Variants in DOCK3 observed in about 807,000 individuals in gnomAD.
The protein encoded by DOCK3 is dedicator of cytokinesis protein 3.
Under a neutral mutation model 265.6 loss-of-function variants are expected in DOCK3, and 60 were observed. That is an observed-to-expected ratio of 0.23 (90% confidence interval 0.18 to 0.28). The LOEUF (loss-of-function observed/expected upper bound fraction) is 0.28, where lower values mean the gene tolerates loss of function less well. Ranked by LOEUF, DOCK3 falls within the 10% of genes least tolerant of loss-of-function variation. The pLI is 1.00. For synonymous variants in DOCK3, 881 were observed against 938.0 expected (o/e 0.94, Z 1.11); for missense variants, 1,981 against 2,594.3 (o/e 0.76, Z 5.14).
At chr3:51,006,100 C>A (rs1008963050) in intron 5 of DOCK3, among the ~76,000 whole-genome samples, 3 of 152,110 alleles carry the variant, frequency 2.0e-5, no homozygotes, top group African/African-American at 7.2e-5. Flanking sequence ...CTTTCCAGTT[C>A]TGTCTGCCTA....
intron 12 of DOCK3, among the ~76,000 whole-genome samples, chr3:51,205,453 G>A (rs1466067277): frequency 6.6e-6 from 1 of 151,828 alleles, no homozygotes; most frequent in Non-Finnish European, 1.5e-5. Context: ...TTAGCACTTT[G>A]AGGGCTAAGG....
intron 35 of DOCK3, 95 bp downstream of exon 35, chr3:51,333,348 T>C: frequency 8.2e-7 from 1 of 1,218,704 alleles, no homozygotes; most frequent in Non-Finnish European, 1.2e-6. Flanking sequence ...CCATGTGCTC[T>C]TCATGGGGAG....
intron 14 of DOCK3, among the ~76,000 whole-genome samples, chr3:51,214,734 A>G (rs1352744593): frequency 6.6e-6 from 1 of 152,238 alleles, no homozygotes; most frequent in Non-Finnish European, 1.5e-5. Context: ...GGCAAATAGT[A>G]TAAATTAGAC....
intron 35 of DOCK3, 45 bp downstream of exon 35, chr3:51,333,298 TC>T: frequency 1.3e-6 from 2 of 1,575,958 alleles, no homozygotes; most frequent in South Asian, 2.2e-5. Flanking sequence ...GTCAGGATAC[TC>T]TCTCTGGCAA....
At chr3:51,349,322 G>A (rs1161045901) in intron 39 of DOCK3, among the ~76,000 whole-genome samples, 1 of 152,192 alleles carries the variant, frequency 6.6e-6, no homozygotes, top group Non-Finnish European at 1.5e-5. Context: ...TTTTAAGCAT[G>A]TTGTACTTGC....
At chr3:51,162,817 G>A (rs1393000478) in intron 12 of DOCK3, among the ~76,000 whole-genome samples, 1 of 152,054 alleles carries the variant, frequency 6.6e-6, no homozygotes, top group Non-Finnish European at 1.5e-5. Context: ...CCTTCTTATG[G>A]ATGGTCTGTG....
At chr3:51,291,373 C>G (rs2109156953) in intron 27 of DOCK3, among the ~76,000 whole-genome samples, 1 of 152,160 alleles carries the variant, frequency 6.6e-6, no homozygotes, top group African/African-American at 2.4e-5. Flanking sequence ...AGTTTATTTT[C>G]TGAAAAGCAA....
chr3:50,731,564 AT>A (rs932628637), intron 1 of DOCK3, among the ~76,000 whole-genome samples: 3 of 149,404 alleles, frequency 2.0e-5, no homozygotes, highest in African/African-American at 7.4e-5. Flanking sequence ...TAAAAAAGGT[AT>A]TTTTAAAAAT....
intron 5 of DOCK3, among the ~76,000 whole-genome samples, chr3:51,053,163 A>C (rs2081073044): frequency 7.3e-6 from 1 of 136,162 alleles, no homozygotes; most frequent in Non-Finnish European, 1.6e-5. Context: ...GGCATTGAAC[A>C]AAAAAATAGC....
At chr3:51,290,256 C>T (rs1420526525) in intron 27 of DOCK3, among the ~76,000 whole-genome samples, 13 of 152,112 alleles carry the variant, frequency 8.5e-5, no homozygotes, top group Non-Finnish European at 1.9e-4. Flanking sequence ...TGCGGCACTA[C>T]TCACAATAGC....
chr3:50,722,039 A>C (rs2037507114), intron 1 of DOCK3, among the ~76,000 whole-genome samples: 1 of 152,166 alleles, frequency 6.6e-6, no homozygotes, highest in Non-Finnish European at 1.5e-5. Context: ...CAGGTCAGGG[A>C]GACTGTGGGG....
intron 5 of DOCK3, among the ~76,000 whole-genome samples, chr3:51,003,811 A>G (rs2078567352): frequency 6.6e-6 from 1 of 152,206 alleles, no homozygotes; most frequent in Non-Finnish European, 1.5e-5. Context: ...GATTTGAGCA[A>G]TTTTTGTCCA....
At chr3:51,344,464 A>G (rs1200307520) in intron 38 of DOCK3, among the ~76,000 whole-genome samples, 4 of 152,218 alleles carry the variant, frequency 2.6e-5, no homozygotes, top group African/African-American at 4.8e-5. Flanking sequence ...TACTGAAAAT[A>G]CAAACATTAG....
chr3:50,937,416 A>G (rs1402826075), intron 5 of DOCK3, among the ~76,000 whole-genome samples: 1 of 152,050 alleles, frequency 6.6e-6, no homozygotes, highest in Non-Finnish European at 1.5e-5. Flanking sequence ...GCACTTTGGG[A>G]GGCCGAGGCG....
At chr3:51,021,612 T>G (rs1444193366) in intron 5 of DOCK3, among the ~76,000 whole-genome samples, 1 of 152,130 alleles carries the variant, frequency 6.6e-6, no homozygotes, top group Admixed American at 6.5e-5. Context: ...CTTCTAGAAC[T>G]TTGATTAGAA....
chr3:51,371,605 T>G (rs1209756529), intron 49 of DOCK3, among the ~76,000 whole-genome samples: 1 of 152,240 alleles, frequency 6.6e-6, no homozygotes, highest in Admixed American at 6.5e-5. Context: ...TCCACTCTGT[T>G]TGAAGTTTGT....
chr3:50,839,928 C>T (rs1281785069), intron 2 of DOCK3, among the ~76,000 whole-genome samples: 1 of 151,258 alleles, frequency 6.6e-6, no homozygotes, highest in African/African-American at 2.4e-5. Context: ...GCCACCATGC[C>T]TGGCTAATTT....
At chr3:50,944,427 T>C (rs2076375741) in intron 5 of DOCK3, among the ~76,000 whole-genome samples, 1 of 152,194 alleles carries the variant, frequency 6.6e-6, no homozygotes, top group Non-Finnish European at 1.5e-5. Flanking sequence ...AAGTAAAAGA[T>C]TGTCATATTT....
intron 32 of DOCK3, among the ~76,000 whole-genome samples, chr3:51,326,583 TTTGTTGTTGTTGTTGTTGTTGTTGTTG>T (rs148344271): frequency 1.4e-5 from 2 of 140,118 alleles, no homozygotes; most frequent in South Asian, 4.9e-4. Flanking sequence ...CCTGGCATGT[TTTGTTGTTGTTGTTGTTGTTGTTGTTG>T]TTGTTGTTGT....
Sources: allele counts gnomAD v4.1 joint callset (sites outside exome capture counted in the v4.1 genomes callset), GRCh38; gene constraint gnomAD v4.1.1; transcripts MANE v1.5; gene names NCBI Gene and HGNC (gene_info 2026-07-23, HGNC 2026-07-21).